TMEM181: variants seen among roughly 807,000 people sequenced by gnomAD.
The protein encoded by TMEM181 is transmembrane protein 181.
In TMEM181, 39 loss-of-function variants were observed where a neutral mutation model predicts 71.9. The ratio of observed to expected loss-of-function variants is 0.54; its 90% confidence interval spans 0.42 to 0.71. The LOEUF is 0.71. TMEM181 is among the 30% of genes least tolerant of loss of function. The pLI is 0.00. For missense variants in TMEM181, 595 were observed against 583.0 expected (o/e 1.02, Z -0.21); for synonymous variants, 245 against 228.8 (o/e 1.07, Z -0.64).
chr6:158,589,635 G>A (rs755801034), intron 5 of TMEM181, 37 bp from the exon 6 acceptor site: 2 of 1,544,442 alleles, frequency 1.3e-6, no homozygotes, highest in South Asian at 2.2e-5. Context: ...CGTGAGTCTC[G>A]CTTTCTTTAA....
intron 14 of TMEM181, among the ~76,000 whole-genome samples, 162 bp from the exon 15 acceptor site, chr6:158,629,568 G>T (rs1469977813): frequency 6.6e-6 from 1 of 152,156 alleles, no homozygotes; most frequent in African/African-American, 2.4e-5. Context: ...CTGGCTGTGG[G>T]CTTGAACTGT....
intron 2 of TMEM181, 142 bp downstream of exon 2, chr6:158,573,665 G>A (rs1343006744): frequency 2.8e-6 from 2 of 705,268 alleles, no homozygotes; most frequent in Non-Finnish European, 4.8e-6. Flanking sequence ...GGGTGGATGG[G>A]GTCCCAGCCC....
chr6:158,586,138 G>T (rs1251079032), intron 5 of TMEM181, among the ~76,000 whole-genome samples: 1 of 152,190 alleles, frequency 6.6e-6, no homozygotes, highest in East Asian at 1.9e-4. Context: ...GCACAGTGTG[G>T]CTAAGGGATA....
At chr6:158,573,368 T>G in intron 1 of TMEM181, 52 bp from the exon 2 acceptor site, 34 of 1,443,428 alleles carry the variant, frequency 2.4e-5, no homozygotes, top group Non-Finnish European at 3.1e-5. Context: ...CGCTTTCCTG[T>G]GACCTCCGGG....
intron 10 of TMEM181, among the ~76,000 whole-genome samples, chr6:158,609,337 TAGG>T (rs997878732): frequency 6.6e-6 from 1 of 152,056 alleles, no homozygotes; most frequent in Non-Finnish European, 1.5e-5. Flanking sequence ...TTTAGACGAA[TAGG>T]AGGGTGACTT....
At chr6:158,611,442 T>A in intron 10 of TMEM181, 1 of 539,564 alleles carries the variant, frequency 1.9e-6, no homozygotes, top group South Asian at 1.4e-5. Flanking sequence ...TCTATCCGTC[T>A]TCCTTTTCTG....
chr6:158,607,540 C>T lies in TMEM181; in HGVS notation c.673+197C>T, dbSNP rs1442846377. Among the ~76,000 whole-genome samples the T allele has an allele frequency of 2.6e-5, 4 of 152,030 alleles. No homozygotes were observed. The South Asian group carries it at 8.3e-4, about 32-fold the overall frequency. ...TAAAATTTAGCTGGGCATGGTGGTG[C>T]GTGCCTGTGGTCCCAACTGCTTGGG... On this transcript the variant is annotated intron_variant, in intron 8 of 16. Transcript: ENST00000684151.
intron 2 of TMEM181, among the ~76,000 whole-genome samples, chr6:158,577,061 C>CA (rs5881280): frequency 0.017 from 1,291 of 75,720 alleles, 31 homozygotes; most frequent in African/African-American, 0.046. Context: ...GACTCCATCT[C>CA]AAAAAAAAAA....
chr6:158,633,921 A>C lies in TMEM181; in HGVS notation c.*2033A>C, dbSNP rs1444770926. 6.6e-6 allele frequency: 1 copy of C among 152,206 alleles called. No homozygotes were observed. The highest frequency in any genetic ancestry group is 1.9e-4 in the East Asian group (1 of 5,200). The allele number at this position is 152,206 out of a possible 1,614,324, so 9.4% of individuals were successfully genotyped here. On this transcript the variant is annotated 3_prime_UTR_variant, in exon 17 of 17. Coordinates refer to ENST00000684151, the MANE Select transcript of TMEM181 (RefSeq NM_001376852.1). ...TGTGCTGATTAACATATTCTGTGAT[A>C]TGGTTTACAACTTTTAATCATAATT... is the stretch of plus-strand genomic sequence containing the variant.
chr6:158,598,678 A>G (rs746412013), intron 6 of TMEM181, among the ~76,000 whole-genome samples: 38 of 132,620 alleles, frequency 2.9e-4, no homozygotes, highest in Non-Finnish European at 5.2e-4. Context: ...TATTTTATTT[A>G]TTTATTTTTT....
At chr6:158,552,536 A>G (rs939955773) in intron 1 of TMEM181, among the ~76,000 whole-genome samples, 3 of 152,234 alleles carry the variant, frequency 2.0e-5, no homozygotes, top group Non-Finnish European at 4.4e-5. Context: ...AAGAGTACAG[A>G]ATCAAGTTAC....
intron 1 of TMEM181, among the ~76,000 whole-genome samples, chr6:158,541,009 T>C (rs968207165): frequency 2.7e-5 from 4 of 147,304 alleles, no homozygotes; most frequent in Non-Finnish European, 4.6e-5. Flanking sequence ...AGCTCAAGGA[T>C]GTGAGGGAGC....
chr6:158,574,565 A>T (rs558135220), intron 2 of TMEM181, among the ~76,000 whole-genome samples: 1 of 152,316 alleles, frequency 6.6e-6, no homozygotes, highest in East Asian at 1.9e-4. Flanking sequence ...TCAAACGTCC[A>T]TGATTATATC....
intron 2 of TMEM181, among the ~76,000 whole-genome samples, chr6:158,575,051 A>G (rs998076329): frequency 3.3e-5 from 5 of 152,208 alleles, no homozygotes; most frequent in African/African-American, 9.7e-5. Flanking sequence ...GATGAGGTCC[A>G]CCCACATTGG....
chr6:158,624,830 CTG>C (rs908833933), intron 11 of TMEM181, among the ~76,000 whole-genome samples: 2 of 152,244 alleles, frequency 1.3e-5, no homozygotes, highest in Non-Finnish European at 2.9e-5. Context: ...TGAGCACCCA[CTG>C]TGCCTGGACA....
In TMEM181 at chr6:158,571,375, CGTGATCTGCCCGCCTTGGCCTT is replaced by C. The variant is rs1207628584; in HGVS notation, c.9-2023_9-2002del. Among the ~76,000 whole-genome samples, 413 of 131,068 alleles carry C rather than the reference CGTGATCTGCCCGCCTTGGCCTT, an allele frequency of 3.2e-3. 55 individuals carry two copies. The highest frequency in any genetic ancestry group is 7.6e-3 in the South Asian group (30 of 3,962). 86.0% of individuals were successfully genotyped at this position (131,068 alleles called of 152,430 possible). A position where few individuals can be genotyped will look rare whatever the true frequency, so the allele number is the denominator to read the frequency against. ...CCTCCCAAAGTGCTGGGATTATAGGCGTGATCTGCCCGCCTTGGCCTTGTGATCTGCCCGCCTTGGCCTCCCA... is the reference window on the plus strand; with the variant it reads ...CCTCCCAAAGTGCTGGGATTATAGGCGTGATCTGCCCGCCTTGGCCTCCCA... On this transcript the variant is annotated intron_variant, in intron 1 of 16. Coordinates refer to ENST00000684151, the MANE Select transcript of TMEM181 (RefSeq NM_001376852.1).
chr6:158,607,215 A>G (rs1785002111), intron 7 of TMEM181, 29 bp from the exon 8 acceptor site: 2 of 1,587,050 alleles, frequency 1.3e-6, no homozygotes, highest in Non-Finnish European at 1.7e-6. Flanking sequence ...GAGCAAAGGC[A>G]GTAACTGGAG....
At chr6:158,576,908 A>G (rs1008454699) in intron 2 of TMEM181, among the ~76,000 whole-genome samples, 1 of 151,980 alleles carries the variant, frequency 6.6e-6, no homozygotes, top group Non-Finnish European at 1.5e-5. Flanking sequence ...TAAAAATACA[A>G]AAAATTAGCC....
At chr6:158,561,235 CAGAG>C (rs778239207) in intron 1 of TMEM181, among the ~76,000 whole-genome samples, 15 of 152,360 alleles carry the variant, frequency 9.8e-5, no homozygotes, top group East Asian at 7.7e-4. Context: ...GTGCCTGTGA[CAGAG>C]AGATCTGTTT....
Sources: gnomAD v4.1 joint callset for allele counts (sites outside exome capture counted in the v4.1 genomes callset) on GRCh38, gnomAD v4.1.1 for gene constraint, MANE v1.5 for transcripts, NCBI Gene and HGNC (gene_info 2026-07-23, HGNC 2026-07-21) for gene names.